Variants in CCDC175 observed in about 807,000 individuals in gnomAD.
CCDC175 encodes coiled-coil domain-containing protein 175.
CCDC175 carries 100 observed loss-of-function variants against 114.6 expected under a neutral mutation model. The ratio of observed to expected loss-of-function variants is 0.87; its 90% CI spans 0.74 to 1.03. The LOEUF (loss-of-function observed/expected upper bound fraction) is 1.03, where lower values mean the gene tolerates loss of function less well. CCDC175 is among the 50% of genes least tolerant of loss of function. CCDC175 has a pLI of 0.00. For missense variants in CCDC175, 880 were observed against 917.8 expected, an observed-to-expected ratio of 0.96 and a Z score of 0.53; for synonymous variants, 306 against 308.7, an observed-to-expected ratio of 0.99 and a Z score of 0.09.
rs111244876 is a variant in CCDC175, at chr14:59,526,282, T to C, written c.1842+813A>G. Among the ~76,000 whole-genome samples, 320 of 152,286 alleles carry C rather than the reference T, an allele frequency of 2.1e-3. 1 individual carries two copies. The highest frequency in any genetic ancestry group is 6.9e-3 in the African/African-American group (287 of 41,562). On this transcript the variant is annotated intron_variant, in intron 15 of 19. Coordinates refer to ENST00000537690, the MANE Select transcript of CCDC175 (RefSeq NM_001164399.2). ...ATTTTCTCCTTCATATTTTCCTATATATTCCTTCATATTTTATAACGTATT... is the reference window on the plus strand; with the variant it reads ...ATTTTCTCCTTCATATTTTCCTATACATTCCTTCATATTTTATAACGTATT...
At chr14:59,534,003 A>AAAG (rs1555343427) in intron 13 of CCDC175, among the ~76,000 whole-genome samples, 3 of 151,756 alleles carry the variant, frequency 2.0e-5, no homozygotes, top group East Asian at 1.9e-4. Flanking sequence ...AAAAAAAAAA[A>AAAG]AAAGAAACGC....
At chr14:59,565,891 G>C (rs953678824) in intron 4 of CCDC175, among the ~76,000 whole-genome samples, 2 of 152,112 alleles carry the variant, frequency 1.3e-5, no homozygotes, top group African/African-American at 2.4e-5. Flanking sequence ...ATTTTGAACA[G>C]GATCTGAATG....
At chr14:59,535,826 T>A (rs1471661848) in intron 13 of CCDC175, among the ~76,000 whole-genome samples, 1 of 152,206 alleles carries the variant, frequency 6.6e-6, no homozygotes, top group African/African-American at 2.4e-5. Flanking sequence ...GCCACACCAT[T>A]GTGAGGAATG....
chr14:59,511,729 T>C (rs761616327), intron 18 of CCDC175, 31 bp downstream of exon 18: 12 of 1,522,360 alleles, frequency 7.9e-6, no homozygotes, highest in South Asian at 6.0e-5. Context: ...ATGATATTTA[T>C]ATGGAGGCAA....
intron 13 of CCDC175, among the ~76,000 whole-genome samples, chr14:59,533,986 T>TAA (rs1566609176): frequency 2.2e-3 from 21 of 9,354 alleles, no homozygotes; most frequent in African/African-American, 7.2e-3. Flanking sequence ...GAGACCCCTT[T>TAA]TAAAAAAAAA....
At chr14:59,558,036 G>C (rs1894827757) in intron 7 of CCDC175, among the ~76,000 whole-genome samples, 1 of 152,188 alleles carries the variant, frequency 6.6e-6, no homozygotes, top group Non-Finnish European at 1.5e-5. Flanking sequence ...CAGGTGGTCA[G>C]GGAAGACCTT....
At chr14:59,554,599 G>A (rs1253735090) in intron 7 of CCDC175, among the ~76,000 whole-genome samples, 2 of 152,020 alleles carry the variant, frequency 1.3e-5, no homozygotes, top group Non-Finnish European at 1.5e-5. Flanking sequence ...AGCAGAAGGT[G>A]AGAAATAACT....
intron 13 of CCDC175, among the ~76,000 whole-genome samples, chr14:59,536,558 T>C (rs1406877659): frequency 6.6e-6 from 1 of 151,394 alleles, no homozygotes; most frequent in Non-Finnish European, 1.5e-5. Flanking sequence ...CCCCGCCTCC[T>C]CTCCCCCCTC....
chr14:59,556,410 G>A (rs994133504), intron 7 of CCDC175, among the ~76,000 whole-genome samples: 2 of 152,240 alleles, frequency 1.3e-5, no homozygotes, highest in African/African-American at 4.8e-5. Context: ...CTAGCCTTAT[G>A]TAGAAAGCTG....
At chr14:59,516,035 T>A (rs536660862) in intron 17 of CCDC175, among the ~76,000 whole-genome samples, 3 of 152,152 alleles carry the variant, frequency 2.0e-5, no homozygotes, top group South Asian at 2.1e-4. Context: ...GCTCAACTAC[T>A]TGGAAACTGA....
intron 13 of CCDC175, 105 bp downstream of exon 13, chr14:59,537,918 G>A: frequency 2.8e-6 from 2 of 720,830 alleles, no homozygotes; most frequent in Non-Finnish European, 4.1e-6. Flanking sequence ...TTTCATACTA[G>A]AATATTTATT....
At chr14:59,520,091 C>T (rs144180672) in intron 17 of CCDC175, among the ~76,000 whole-genome samples, 77 of 152,348 alleles carry the variant, frequency 5.1e-4, no homozygotes, top group Non-Finnish European at 9.0e-4. Context: ...GAGCTCTGAT[C>T]AAATTGCCAT....
intron 17 of CCDC175, among the ~76,000 whole-genome samples, chr14:59,513,098 A>G (rs1417516051): frequency 1.3e-5 from 2 of 152,374 alleles, no homozygotes; most frequent in South Asian, 2.1e-4. Flanking sequence ...TTTCAAAAAT[A>G]GTACTGGAAC....
chr14:59,576,571 C>A (rs1395587686), intron 1 of CCDC175, 48 bp downstream of exon 1: 2 of 1,365,938 alleles, frequency 1.5e-6, no homozygotes, highest in Non-Finnish European at 9.4e-7. Flanking sequence ...GCCTCCTAAG[C>A]GCCACCTCTG....
At chr14:59,568,523 C>T (rs140423007) in intron 3 of CCDC175, 143 bp from the exon 4 acceptor site, 1 of 626,122 alleles carries the variant, frequency 1.6e-6, no homozygotes, top group Non-Finnish European at 2.6e-6. Context: ...TGGTCCCTCT[C>T]AATCTTACCT....
intron 2 of CCDC175, among the ~76,000 whole-genome samples, chr14:59,573,528 C>T (rs531921679): frequency 6.6e-6 from 1 of 151,934 alleles, no homozygotes; most frequent in Admixed American, 6.6e-5. Context: ...TTAATGTGGT[C>T]CTTTTGCTTA....
intron 19 of CCDC175, 35 bp downstream of exon 19, chr14:59,510,611 G>T (rs1376607064): frequency 2.6e-6 from 4 of 1,533,542 alleles, no homozygotes; most frequent in Admixed American, 3.9e-5. Flanking sequence ...ATAGCAGGAA[G>T]TCCCATGTTA....
At chr14:59,527,053 C>A in intron 15 of CCDC175, 42 bp downstream of exon 15, 1 of 1,094,412 alleles carries the variant, frequency 9.1e-7, no homozygotes, top group South Asian at 1.6e-5. Flanking sequence ...TACCACTATT[C>A]TAATAATAAT....
At chr14:59,543,653 C>T (rs1274151577) in intron 9 of CCDC175, among the ~76,000 whole-genome samples, 199 bp from the exon 10 acceptor site, 1 of 152,014 alleles carries the variant, frequency 6.6e-6, no homozygotes, top group African/African-American at 2.4e-5. Flanking sequence ...CAAATTTTTT[C>T]CCAGCTGATT....
Sources: gnomAD v4.1 joint callset for allele counts (sites outside exome capture counted in the v4.1 genomes callset) on GRCh38, gnomAD v4.1.1 for gene constraint, MANE v1.5 for transcripts, NCBI Gene and HGNC (gene_info 2026-07-23, HGNC 2026-07-21) for gene names.